AFAP1: variants seen among roughly 807,000 people sequenced by gnomAD.
AFAP1 encodes actin filament-associated protein 1.
AFAP1 carries 75 observed loss-of-function variants against 93.9 expected under a neutral mutation model. The observed-to-expected ratio is 0.80, with a 90% CI of 0.66 to 0.97. The LOEUF (loss-of-function observed/expected upper bound fraction) is 0.97, where lower values mean the gene tolerates loss of function less well. Ranked by LOEUF, AFAP1 falls within the 50% of genes least tolerant of loss-of-function variation. AFAP1 has a pLI of 0.00. For synonymous variants in AFAP1, 517 were observed against 430.7 expected (o/e 1.20, Z -2.48); for missense variants, 1,201 against 1,050.8 (o/e 1.14, Z -1.98).
chr4:7,873,715 A>C (rs1255156120), intron 1 of AFAP1, among the ~76,000 whole-genome samples: 1 of 152,062 alleles, frequency 6.6e-6, no homozygotes, highest in African/African-American at 2.4e-5. Flanking sequence ...CTGCACACGA[A>C]ATACCACAGT....
Position 7,819,114 on chromosome 4 carries a change from G to T in AFAP1, c.784C>A (p.Pro262Thr). ...SGPVDSECPP[P>T]PSSPVHKAEL... Reference sequence around the variant, plus strand: ...GCCTTGTGCACCGGGGAGCTTGGTGGAGGAGGACACTCTGAATCCACGGGG... The same window carrying T: ...GCCTTGTGCACCGGGGAGCTTGGTGTAGGAGGACACTCTGAATCCACGGGG... The change falls in exon 7 of 18, where the codon CCA becomes ACA. Residue 262 changes from proline to threonine, a missense_variant. Transcript: ENST00000420658. 1 of 1,613,826 alleles carries T rather than the reference G, an allele frequency of 6.2e-7. No homozygotes were observed. The highest frequency in any genetic ancestry group is 8.5e-7 in the Non-Finnish European group (1 of 1,179,892).
intron 3 of AFAP1, among the ~76,000 whole-genome samples, chr4:7,865,109 A>G (rs1023753256): frequency 1.3e-5 from 2 of 152,248 alleles, no homozygotes; most frequent in African/African-American, 4.8e-5. Context: ...AAAACTGGAA[A>G]TTACAAAGTA....
At chr4:7,787,254 C>T (rs1190079823) in intron 11 of AFAP1, among the ~76,000 whole-genome samples, 2 of 152,184 alleles carry the variant, frequency 1.3e-5, no homozygotes, top group Non-Finnish European at 2.9e-5. Context: ...GTGCGCCCAG[C>T]GAGGGCACGG....
intron 9 of AFAP1, among the ~76,000 whole-genome samples, chr4:7,804,464 T>C (rs1047539327): frequency 1.0e-4 from 4 of 39,626 alleles, no homozygotes; most frequent in Admixed American, 7.4e-4. Context: ...GCAACAACAC[T>C]GTGGCAAGAG....
chr4:7,817,088 A>G (rs536008249), intron 7 of AFAP1, among the ~76,000 whole-genome samples: 12 of 152,304 alleles, frequency 7.9e-5, no homozygotes, highest in Middle Eastern at 3.4e-3. Flanking sequence ...GAGTGCGTGG[A>G]TGAGGAACTT....
At chr4:7,834,666 T>C (rs914361640) in intron 6 of AFAP1, among the ~76,000 whole-genome samples, 1 of 152,240 alleles carries the variant, frequency 6.6e-6, no homozygotes, top group Admixed American at 6.5e-5. Context: ...GGGACTGCCT[T>C]GCTACCCCAA....
chr4:7,801,417 AATT>A (rs776961168), intron 9 of AFAP1, among the ~76,000 whole-genome samples: 2 of 152,070 alleles, frequency 1.3e-5, no homozygotes, highest in Non-Finnish European at 2.9e-5. Context: ...TGACAGGAAA[AATT>A]ATTATCCTCA....
chr4:7,822,254 C>T (rs1721029998), intron 6 of AFAP1, among the ~76,000 whole-genome samples: 2 of 152,126 alleles, frequency 1.3e-5, no homozygotes, highest in African/African-American at 4.8e-5. Context: ...TGAAGCTGAG[C>T]AATTCTCAGA....
At chr4:7,861,648 G>A (rs1284543192) in intron 3 of AFAP1, among the ~76,000 whole-genome samples, 1 of 152,240 alleles carries the variant, frequency 6.6e-6, no homozygotes, top group Non-Finnish European at 1.5e-5. Context: ...CAGCAGGCAG[G>A]CATCCAGATG....
intron 1 of AFAP1, among the ~76,000 whole-genome samples, chr4:7,903,377 G>C (rs1191660678): frequency 6.6e-6 from 1 of 152,230 alleles, no homozygotes; most frequent in Non-Finnish European, 1.5e-5. Context: ...GGTGACGCTA[G>C]CGTTACAAAG....
At chr4:7,825,607 A>G (rs1721353002) in intron 6 of AFAP1, among the ~76,000 whole-genome samples, 1 of 152,190 alleles carries the variant, frequency 6.6e-6, no homozygotes, top group South Asian at 2.1e-4. Context: ...AGAATGAGAC[A>G]TGTAGCCTTC....
intron 14 of AFAP1, 166 bp from the exon 15 acceptor site, chr4:7,775,069 AGCTTGAGGCTGCAGTG>A: frequency 1.3e-6 from 1 of 782,922 alleles, no homozygotes. Flanking sequence ...TGAGCTTGGG[AGCTTGAGGCTGCAGTG>A]AGCTGTGATC....
At chr4:7,839,445 A>C (rs539372752) in intron 5 of AFAP1, among the ~76,000 whole-genome samples, 2 of 152,096 alleles carry the variant, frequency 1.3e-5, no homozygotes, top group South Asian at 4.1e-4. Context: ...TTATGTGAAT[A>C]ATATATAAAA....
chr4:7,833,539 G>A (rs1197565028), intron 6 of AFAP1, among the ~76,000 whole-genome samples: 2 of 151,824 alleles, frequency 1.3e-5, no homozygotes, highest in Admixed American at 1.3e-4. Context: ...CTACACTGCT[G>A]GTGGGAATGT....
intron 1 of AFAP1, among the ~76,000 whole-genome samples, chr4:7,924,427 C>A (rs988352335): frequency 5.3e-5 from 8 of 152,134 alleles, no homozygotes; most frequent in South Asian, 4.1e-4. Flanking sequence ...AGCGGTGGAT[C>A]AAAACAGATT....
At chr4:7,820,844 C>T (rs112504630) in intron 6 of AFAP1, among the ~76,000 whole-genome samples, 5,468 of 152,238 alleles carry the variant, frequency 0.036, 142 homozygotes, top group Admixed American at 0.073. Context: ...CCAGGCCAGG[C>T]GCAGTGGCTC....
chr4:7,789,033 G>A (rs559691915), intron 11 of AFAP1: 1 of 152,416 alleles, frequency 6.6e-6, no homozygotes. Context: ...GGGAGCACAG[G>A]GATTAGGGGT....
chr4:7,847,976 G>A (rs553448777), intron 4 of AFAP1, among the ~76,000 whole-genome samples: 2 of 151,830 alleles, frequency 1.3e-5, no homozygotes, highest in Non-Finnish European at 2.9e-5. Flanking sequence ...AGAAGCCATA[G>A]GAGATTGACA....
At chr4:7,786,112 A>G in intron 12 of AFAP1, 82 bp downstream of exon 12, 1 of 1,320,274 alleles carries the variant, frequency 7.6e-7, no homozygotes. Context: ...TCAGACCTGA[A>G]ACCAGGGGAA....
Sources: allele counts gnomAD v4.1 joint callset (sites outside exome capture counted in the v4.1 genomes callset), GRCh38; gene constraint gnomAD v4.1.1; transcripts MANE v1.5; gene names NCBI Gene and HGNC (gene_info 2026-07-23, HGNC 2026-07-21).